The following CACNB2 variants were observed in gnomAD, a reference collection of about 807,000 sequenced individuals.
The protein encoded by CACNB2 is calcium voltage-gated channel auxiliary subunit beta 2.
In CACNB2, 42 loss-of-function variants were observed where a neutral mutation model predicts 73.3. The ratio of observed to expected loss-of-function variants is 0.57; its 90% CI spans 0.45 to 0.74. The LOEUF is 0.74. CACNB2 is among the 30% of genes least tolerant of loss of function. CACNB2 has a pLI of 0.00. For missense variants in CACNB2, 940 were observed against 853.0 expected (o/e 1.10, Z -1.27); for synonymous variants, 348 against 310.3 (o/e 1.12, Z -1.28).
intron 2 of CACNB2, among the ~76,000 whole-genome samples, chr10:18,199,238 GA>G (rs2034764698): frequency 6.6e-6 from 1 of 152,194 alleles, no homozygotes; most frequent in South Asian, 2.1e-4. Flanking sequence ...CAAGGTTCTA[GA>G]AATTGCAACA....
chr10:18,280,198 A>G (rs926725885), intron 2 of CACNB2, among the ~76,000 whole-genome samples: 4 of 149,760 alleles, frequency 2.7e-5, no homozygotes, highest in Non-Finnish European at 5.9e-5. Context: ...ACCATAGCTG[A>G]CACATGGGGA....
chr10:18,140,743 CA>C lies in CACNB2; in HGVS notation c.10del (p.Arg4GlyfsTer23), dbSNP rs776609335. ...CCGAGCCGACTTTTCGCCAATGGTC[CA>C]AAGGGACATGTCCAAGTCGCCTCCC... MV[Q>X]RDMSKSPPTA... On this transcript the variant is annotated frameshift_variant, in exon 1 of 14. Transcript: ENST00000324631. LOFTEE classifies it high-confidence loss of function. The C allele has an allele frequency of 6.3e-7, 1 of 1,593,872 alleles. No homozygotes were observed. The highest frequency in any genetic ancestry group is 1.8e-5 in the Admixed American group (1 of 56,762).
At chr10:18,298,475 C>A (rs543017768) in intron 2 of CACNB2, among the ~76,000 whole-genome samples, 12 of 152,202 alleles carry the variant, frequency 7.9e-5, no homozygotes, top group African/African-American at 2.6e-4. Context: ...TGTCATAGAT[C>A]ATTTTAAATG....
chr10:18,252,532 T>C (rs890376351), intron 2 of CACNB2, among the ~76,000 whole-genome samples: 5 of 152,222 alleles, frequency 3.3e-5, no homozygotes, highest in African/African-American at 1.2e-4. Context: ...CATCTTTGCT[T>C]TGCTTTTTTT....
At chr10:18,232,077 G>A (rs771651751) in intron 2 of CACNB2, among the ~76,000 whole-genome samples, 9 of 152,062 alleles carry the variant, frequency 5.9e-5, no homozygotes, top group Non-Finnish European at 1.2e-4. Context: ...AACATTCTTA[G>A]TTCTCTTCTG....
intron 5 of CACNB2, among the ~76,000 whole-genome samples, chr10:18,503,503 T>C (rs1217890807): frequency 1.3e-5 from 2 of 152,134 alleles, no homozygotes; most frequent in Non-Finnish European, 2.9e-5. Flanking sequence ...GCCTGAGGTA[T>C]GAGAATCACT....
intron 9 of CACNB2, among the ~76,000 whole-genome samples, chr10:18,524,185 A>G (rs1363214909): frequency 6.6e-6 from 1 of 152,086 alleles, no homozygotes; most frequent in Non-Finnish European, 1.5e-5. Flanking sequence ...CAAGAAGGAA[A>G]GCTACCTGGG....
intron 3 of CACNB2, among the ~76,000 whole-genome samples, chr10:18,465,256 G>A (rs560279977): frequency 6.6e-6 from 1 of 152,292 alleles, no homozygotes; most frequent in South Asian, 2.1e-4. Flanking sequence ...CTTGAACCTG[G>A]GAGTGGGAGT....
At position 18,333,439 on chromosome 10, in the gene CACNB2, T is replaced by C. The variant is rs541922734; in HGVS notation, c.214-68485T>C. On this transcript the variant is annotated intron_variant, in intron 2 of 13. Transcript: ENST00000324631. ...ATAGCTCAGTTGGAAATTTTGTTAATGTTAAAAAAAAAAAACCTGTTAGAG... is the reference window on the plus strand; with the variant it reads ...ATAGCTCAGTTGGAAATTTTGTTAACGTTAAAAAAAAAAAACCTGTTAGAG... 6.3e-5 allele frequency among the ~76,000 whole-genome samples: 9 copies of C among 142,880 alleles called. No individual in the cohort carries two copies. In the East Asian group the frequency reaches 1.4e-3, roughly 22 times the overall value. The allele number at this position is 142,880 out of a possible 152,430, so 93.7% of individuals were successfully genotyped here.
intron 2 of CACNB2, among the ~76,000 whole-genome samples, chr10:18,274,965 A>G (rs1372732610): frequency 6.6e-6 from 1 of 152,212 alleles, no homozygotes; most frequent in Non-Finnish European, 1.5e-5. Flanking sequence ...CACTACAATC[A>G]GATTAAAGGA....
At chr10:18,381,897 G>A (rs895620809) in intron 2 of CACNB2, among the ~76,000 whole-genome samples, 2 of 151,932 alleles carry the variant, frequency 1.3e-5, no homozygotes, top group African/African-American at 4.8e-5. Context: ...GCTGGCCATA[G>A]CAGGTAGGGT....
intron 2 of CACNB2, among the ~76,000 whole-genome samples, chr10:18,353,177 C>T (rs1455614823): frequency 2.0e-5 from 3 of 152,002 alleles, no homozygotes; most frequent in Non-Finnish European, 2.9e-5. Context: ...TTTGGGAGGC[C>T]GAGGCAGGTG....
At chr10:18,339,020 G>A (rs551846925) in intron 2 of CACNB2, among the ~76,000 whole-genome samples, 70 of 152,076 alleles carry the variant, frequency 4.6e-4, no homozygotes, top group African/African-American at 1.7e-3. Context: ...AATTATAGGC[G>A]TGAGCTACCA....
chr10:18,220,549 A>G (rs895028975), intron 2 of CACNB2, among the ~76,000 whole-genome samples: 1 of 151,848 alleles, frequency 6.6e-6, no homozygotes, highest in African/African-American at 2.4e-5. Flanking sequence ...GGTGTGAGCC[A>G]CCGCACCCAG....
chr10:18,144,059 T>G (rs182852924), intron 1 of CACNB2, among the ~76,000 whole-genome samples: 1 of 152,140 alleles, frequency 6.6e-6, no homozygotes, highest in African/African-American at 2.4e-5. Flanking sequence ...TGGTTTTTGT[T>G]TTGTTTTGTT....
At chr10:18,400,847 A>C in intron 2 of CACNB2, 5 of 1,469,758 alleles carry the variant, frequency 3.4e-6, no homozygotes, top group Non-Finnish European at 4.5e-6. Context: ...TGGGAAAATA[A>C]GAATCTCCCT....
chr10:18,413,574 C>A (rs2044759134), intron 3 of CACNB2, among the ~76,000 whole-genome samples: 1 of 152,194 alleles, frequency 6.6e-6, no homozygotes, highest in African/African-American at 2.4e-5. Flanking sequence ...CTCCATCCTT[C>A]CAAATCTGAA....
chr10:18,169,636 T>C (rs1457761457), intron 2 of CACNB2, among the ~76,000 whole-genome samples: 2 of 152,198 alleles, frequency 1.3e-5, no homozygotes, highest in Non-Finnish European at 2.9e-5. Context: ...AGGTAGGTGT[T>C]TCATACTAGG....
At chr10:18,386,331 C>G (rs183777623) in intron 2 of CACNB2, among the ~76,000 whole-genome samples, 12 of 151,256 alleles carry the variant, frequency 7.9e-5, no homozygotes, top group Admixed American at 6.6e-4. Context: ...CTTTTGTCAG[C>G]ATATGATGAC....
Sources: allele counts gnomAD v4.1 joint callset (sites outside exome capture counted in the v4.1 genomes callset), GRCh38; gene constraint gnomAD v4.1.1; transcripts MANE v1.5; gene names NCBI Gene and HGNC (gene_info 2026-07-23, HGNC 2026-07-21).